Variants in NMD3 observed in about 807,000 individuals in gnomAD.
NMD3 encodes the protein 60S ribosomal export protein NMD3.
NMD3 carries 47 observed loss-of-function variants against 73.1 expected under a neutral mutation model. The ratio of observed to expected loss-of-function variants is 0.64; its 90% CI spans 0.51 to 0.82. The LOEUF (loss-of-function observed/expected upper bound fraction) is 0.82, where lower values mean the gene tolerates loss of function less well. Ranked by LOEUF, NMD3 falls within the 40% of genes least tolerant of loss-of-function variation. The pLI, the probability that NMD3 is intolerant of heterozygous loss-of-function variation, is 0.00. For synonymous variants in NMD3, 210 were observed against 194.5 expected, an observed-to-expected ratio of 1.08 and a Z score of -0.66; for missense variants, 554 against 612.5, an observed-to-expected ratio of 0.90 and a Z score of 1.01.
At chr3:161,242,789 C>A in intron 11 of NMD3, 136 bp downstream of exon 11, 2 of 485,078 alleles carry the variant, frequency 4.1e-6, no homozygotes, top group Non-Finnish European at 3.3e-6. Flanking sequence ...GAAAAAAATT[C>A]TTTTTTTTTT....
intron 4 of NMD3, among the ~76,000 whole-genome samples, chr3:161,231,192 GA>G (rs1736533685): frequency 6.6e-6 from 1 of 152,228 alleles, no homozygotes; most frequent in African/African-American, 2.4e-5. Flanking sequence ...TAGTGAGGAG[GA>G]ATGAGGAATA....
intron 2 of NMD3, among the ~76,000 whole-genome samples, chr3:161,224,007 A>G (rs943448221): frequency 2.6e-5 from 4 of 152,230 alleles, no homozygotes; most frequent in African/African-American, 4.8e-5. Context: ...TTATTAATAA[A>G]TGTTATCTTT....
At position 161,233,605 on chromosome 3, in the gene NMD3, G is replaced by T. The variant is rs530378031; in HGVS notation, c.357+126G>T. 10 of 531,008 alleles carry T rather than the reference G, an allele frequency of 1.9e-5. 1 individual carries two copies. Among genetic ancestry groups the T allele is most frequent in the Middle Eastern group, 4.2e-4 (1 of 2,370 alleles). The allele number at this position is 531,008 out of a possible 1,614,324, so 32.9% of individuals were successfully genotyped here. A position where few individuals can be genotyped will look rare whatever the true frequency, so the allele number is the denominator to read the frequency against. On this transcript the variant is annotated intron_variant, in intron 5 of 15. Transcript: ENST00000351193. Reference sequence around the variant, plus strand: ...AGAGTACACTCAATTTTAGCTGTTTGTTTTCTTTTGAGCATCTGTACAAAT... The same window carrying T: ...AGAGTACACTCAATTTTAGCTGTTTTTTTTCTTTTGAGCATCTGTACAAAT...
chr3:161,245,607 G>T (rs1220398068), intron 11 of NMD3, among the ~76,000 whole-genome samples: 2 of 151,102 alleles, frequency 1.3e-5, no homozygotes, highest in African/African-American at 4.9e-5. Flanking sequence ...ACTTTATTTT[G>T]AGATTCCTTA....
rs71628446 is a variant in NMD3 at position 161,233,113 on chromosome 3, C to CT, written c.277-271dup. Among the ~76,000 whole-genome samples the CT allele has an allele frequency of 4.3e-3, 629 of 146,290 alleles. 4 individuals are homozygous for CT. Among genetic ancestry groups the CT allele is most frequent in the South Asian group, 0.035 (165 of 4,678 alleles). On this transcript the variant is annotated intron_variant, in intron 4 of 15. Coordinates refer to ENST00000351193, the MANE Select transcript of NMD3 (RefSeq NM_015938.5). ...TAATTTCCTTTTAAAGGACAATGTA[C>CT]TTTTTTTTTTTTTTTAAGGGAAAAG... is the stretch of plus-strand genomic sequence containing the variant.
chr3:161,249,967 T>C (rs1737413865), intron 14 of NMD3, among the ~76,000 whole-genome samples: 1 of 152,166 alleles, frequency 6.6e-6, no homozygotes, highest in Non-Finnish European at 1.5e-5. Flanking sequence ...TACTTATGGC[T>C]TGAGATAAAA....
chr3:161,246,301 A>G (rs1039125853), intron 11 of NMD3, 35 bp from the exon 12 acceptor site: 4 of 736,862 alleles, frequency 5.4e-6, no homozygotes, highest in Admixed American at 5.0e-5. Flanking sequence ...AGTTATGTTT[A>G]GATTATTGAA....
intron 3 of NMD3, among the ~76,000 whole-genome samples, chr3:161,226,437 ACT>A (rs1157887234): frequency 6.6e-6 from 1 of 151,956 alleles, no homozygotes; most frequent in African/African-American, 2.4e-5. Context: ...ATGGAGCGAG[ACT>A]CTGTCTCAAA....
In NMD3 at chr3:161,221,973, TTTTTTTTTTTTTTTTA is replaced by T; in HGVS notation, c.-20-20_-20-5del. On this transcript the variant is annotated splice_region_variant and splice_polypyrimidine_tract_variant and intron_variant, in intron 1 of 15. Coordinates refer to ENST00000351193, the MANE Select transcript of NMD3 (RefSeq NM_015938.5). ...CCAACATTCTCTTTTTTTTTTTTTT[TTTTTTTTTTTTTTTTA>T]AAAGAACTTAAGGCATACAGAACGA... is the stretch of plus-strand genomic sequence containing the variant. 5.3e-5 allele frequency: 30 copies of T among 568,714 alleles called. No homozygotes were observed. The highest frequency in any genetic ancestry group is 5.2e-5 in the Non-Finnish European group (23 of 438,674). The allele number at this position is 568,714 out of a possible 1,614,324, so 35.2% of individuals were successfully genotyped here.
chr3:161,240,526 A>ATTTTTT (rs539406360), intron 9 of NMD3, among the ~76,000 whole-genome samples: 4 of 111,698 alleles, frequency 3.6e-5, no homozygotes, highest in Admixed American at 1.1e-4. Context: ...TGGGCCCTGG[A>ATTTTTT]TTTTTTTTTT....
rs35893497 is a variant in NMD3 at position 161,241,420 on chromosome 3, C to CTTT, written c.871+273_871+275dup. ...TTCCATTAATTTTTACTGAAATTGA[C>CTTT]TTTTTTTTTTTTTTTTTTGAGATGG... On this transcript the variant is annotated intron_variant, in intron 10 of 15. Coordinates refer to ENST00000351193, the MANE Select transcript of NMD3 (RefSeq NM_015938.5). 1.3e-4 allele frequency among the ~76,000 whole-genome samples: 16 copies of CTTT among 126,196 alleles called. 1 individual carries two copies. The highest frequency in any genetic ancestry group is 2.3e-4 in the East Asian group (1 of 4,380). 82.8% of individuals were successfully genotyped at this position (126,196 alleles called of 152,430 possible).
Position 161,233,408 on chromosome 3 carries a change from G to A in NMD3, c.286G>A (p.Val96Ile), listed in dbSNP as rs200743323. The A allele has an allele frequency of 6.3e-7, 1 of 1,598,100 alleles. No homozygotes were observed. Among genetic ancestry groups the A allele is most frequent in the South Asian group, 1.1e-5 (1 of 89,268 alleles). Residue 96 changes from valine (V) to isoleucine (I), a missense_variant, in exon 5 of 16, where the codon GTA becomes ATA. Coordinates refer to ENST00000351193, the MANE Select transcript of NMD3 (RefSeq NM_015938.5). ...TTGTGTTTTATTGAAGGTACGGCTTGTAGATGCAGGCTTTGTTTGGACTGA... is the reference window on the plus strand; with the variant it reads ...TTGTGTTTTATTGAAGGTACGGCTTATAGATGCAGGCTTTGTTTGGACTGA... Reference protein sequence around the residue: ...IKAPLSKVRLVDAGFVWTEPH... With the variant: ...IKAPLSKVRLIDAGFVWTEPH...
chr3:161,249,921 A>G (rs966202071), intron 14 of NMD3, among the ~76,000 whole-genome samples: 17 of 152,338 alleles, frequency 1.1e-4, no homozygotes, highest in Admixed American at 6.5e-4. Context: ...TTTATAATAA[A>G]TAATTACATT....
At chr3:161,224,867 T>TA (rs1328661434) in intron 2 of NMD3, 63 bp from the exon 3 acceptor site, 226 of 1,449,756 alleles carry the variant, frequency 1.6e-4, no homozygotes, top group Middle Eastern at 3.7e-4. Context: ...GTTTGGCATC[T>TA]AAAAAAAAAT....
At chr3:161,245,266 G>A (rs1737154680) in intron 11 of NMD3, among the ~76,000 whole-genome samples, 1 of 151,872 alleles carries the variant, frequency 6.6e-6, no homozygotes. Flanking sequence ...TATAAATTAA[G>A]GTAATGTACT....
chr3:161,229,330 A>G (rs1736448330), intron 4 of NMD3, among the ~76,000 whole-genome samples: 1 of 152,200 alleles, frequency 6.6e-6, no homozygotes, highest in Non-Finnish European at 1.5e-5. Context: ...ATCATGAGAA[A>G]TGGTTTTGGA....
intron 15 of NMD3, among the ~76,000 whole-genome samples, 161 bp downstream of exon 15, chr3:161,250,487 T>C (rs1462707562): frequency 6.6e-6 from 1 of 152,158 alleles, no homozygotes; most frequent in Admixed American, 6.6e-5. Context: ...AAACAATAAA[T>C]AAAACTTAAC....
At chr3:161,247,129 G>T in intron 12 of NMD3, 129 bp from the exon 13 acceptor site, 2 of 599,824 alleles carry the variant, frequency 3.3e-6, no homozygotes, top group Non-Finnish European at 3.0e-6. Flanking sequence ...TGTAATAAAT[G>T]ACAGAACTTT....
At chr3:161,227,438 T>A (rs1736364029) in intron 4 of NMD3, 95 bp downstream of exon 4, 1 of 69,904 alleles carries the variant, frequency 1.4e-5, no homozygotes, top group African/African-American at 6.1e-5. Flanking sequence ...TCAAAAGGAA[T>A]TTTTTTTTTT....
Sources: gnomAD v4.1 joint callset for allele counts (sites outside exome capture counted in the v4.1 genomes callset) on GRCh38, gnomAD v4.1.1 for gene constraint, MANE v1.5 for transcripts, NCBI Gene and HGNC (gene_info 2026-07-23, HGNC 2026-07-21) for gene names.